NOC4L: variants seen among roughly 807,000 people sequenced by gnomAD.
NOC4L encodes the protein nucleolar complex protein 4 homolog.
Under a neutral mutation model 62.8 loss-of-function variants are expected in NOC4L, and 40 were observed. The observed-to-expected ratio is 0.64, with a 90% CI of 0.49 to 0.83. The LOEUF is 0.83. Among genes scored for constraint, NOC4L ranks in the 40% least tolerant of loss-of-function variants. The pLI, the probability that NOC4L is intolerant of heterozygous loss-of-function variation, is 0.00. For missense variants in NOC4L, 927 were observed against 701.9 expected (o/e 1.32, Z -3.62); for synonymous variants, 433 against 299.8 (o/e 1.44, Z -4.59).
intron 7 of NOC4L, 108 bp downstream of exon 7, chr12:132,148,214 A>G (rs1010783555): frequency 4.2e-6 from 5 of 1,191,734 alleles, no homozygotes; most frequent in African/African-American, 3.0e-5. Context: ...GGAAACTCCC[A>G]GGGTACAGGT....
Position 132,151,247 on chromosome 12 carries a change from C to G in NOC4L, c.963-11C>G, listed in dbSNP as rs1194682278. 1.9e-6 allele frequency: 3 copies of G among 1,606,464 alleles called. No individual in the cohort carries two copies. Among genetic ancestry groups the G allele is most frequent in the Admixed American group, 1.7e-5 (1 of 59,996 alleles). Reference sequence around the variant, plus strand: ...CTGCTCCATCCGCTGCTCCTTCCCCCCGGCCCGCAGGGAGTACCCTGACTT... The same window carrying G: ...CTGCTCCATCCGCTGCTCCTTCCCCGCGGCCCGCAGGGAGTACCCTGACTT... On this transcript the variant is annotated splice_polypyrimidine_tract_variant and intron_variant, in intron 10 of 14. Coordinates refer to ENST00000330579, the MANE Select transcript of NOC4L (RefSeq NM_024078.3).
intron 9 of NOC4L, 85 bp from the exon 10 acceptor site, chr12:132,150,896 C>G: frequency 9.9e-7 from 1 of 1,008,508 alleles, no homozygotes; most frequent in South Asian, 1.5e-5. Context: ...AGAGGCCACA[C>G]TCCACAGACT....
chr12:132,147,391 G>A lies in NOC4L; in HGVS notation c.453+3G>A. 1.3e-6 allele frequency: 2 copies of A among 1,580,288 alleles called. No homozygotes were observed. The highest frequency in any genetic ancestry group is 1.7e-6 in the Non-Finnish European group (2 of 1,162,112). ...TGTTCCCCCGAGAGCTCTTCAAGGT[G>A]AGGGCCTTGCTGGGGACTCCCAGAG... On this transcript the variant is annotated splice_donor_region_variant and intron_variant, in intron 4 of 14. Transcript: ENST00000330579.
chr12:132,151,680 T>G (rs1872954973), intron 12 of NOC4L, 36 bp downstream of exon 12: 2 of 1,611,594 alleles, frequency 1.2e-6, no homozygotes, highest in Admixed American at 1.7e-5. Flanking sequence ...GGGCTGGAGC[T>G]GGGGCGGGGG....
chr12:132,148,176 C>A, intron 7 of NOC4L, 70 bp downstream of exon 7: 4 of 1,518,636 alleles, frequency 2.6e-6, no homozygotes, highest in Non-Finnish European at 3.6e-6. Context: ...TGTGAGACCC[C>A]ATGGAGGCTG....
rs746727018 is a variant in NOC4L at position 132,152,417 on chromosome 12, GAATA to G, written c.*20_*23del. On this transcript the variant is annotated 3_prime_UTR_variant, in exon 15 of 15. Transcript: ENST00000330579. ...GCTCAGCTGACCCTGGCCCACCTGT[GAATA>G]AATCTCAGCTGACCCCAGCCCACCT... The G allele has an allele frequency of 4.5e-6, 7 of 1,566,970 alleles. No individual in the cohort carries two copies. Among genetic ancestry groups the G allele is most frequent in the South Asian group, 1.2e-5 (1 of 86,268 alleles).
chr12:132,148,388 C>T (rs537335248), intron 7 of NOC4L, among the ~76,000 whole-genome samples: 1 of 152,200 alleles, frequency 6.6e-6, no homozygotes, highest in Admixed American at 6.5e-5. Flanking sequence ...CCCCTCTTGG[C>T]CATGGTCTTG....
intron 10 of NOC4L, 47 bp downstream of exon 10, chr12:132,151,088 C>T (rs1211743484): frequency 1.3e-6 from 2 of 1,549,410 alleles, no homozygotes; most frequent in East Asian, 2.2e-5. Flanking sequence ...CTGCCCAGCC[C>T]TGCTCCTCTG....
At chr12:132,148,739 C>A (rs1326201940) in intron 8 of NOC4L, 45 bp from the exon 9 acceptor site, 5 of 444,958 alleles carry the variant, frequency 1.1e-5, no homozygotes, top group Non-Finnish European at 7.8e-6. Context: ...ACCCGCCGGC[C>A]CCCGCCCACC....
At chr12:132,151,437 G>A (rs770699959) in intron 11 of NOC4L, 47 bp from the exon 12 acceptor site, 1 of 1,600,848 alleles carries the variant, frequency 6.2e-7, no homozygotes, top group Non-Finnish European at 8.5e-7. Flanking sequence ...GGAGGGTGGT[G>A]GGGGCTAGCA....
Position 132,148,460 on chromosome 12 carries a change from G to C in NOC4L, c.739-149G>C, listed in dbSNP as rs150154633. The C allele has an allele frequency of 5.6e-3, 4,930 of 874,112 alleles. 23 individuals are homozygous for C. Among genetic ancestry groups the C allele is most frequent in the Non-Finnish European group, 7.8e-3 (4,358 of 560,948 alleles). 54.1% of individuals were successfully genotyped at this position (874,112 alleles called of 1,614,324 possible). On this transcript the variant is annotated intron_variant, in intron 7 of 14. Coordinates refer to ENST00000330579, the MANE Select transcript of NOC4L (RefSeq NM_024078.3). Reference sequence around the variant, plus strand: ...CTCGAGGGCAAGGCGTACCTGACTTGAATGGGGACAGGAAGAAGGAAGGCA... The same window carrying C: ...CTCGAGGGCAAGGCGTACCTGACTTCAATGGGGACAGGAAGAAGGAAGGCA...
rs376019055 is a variant in NOC4L, at chr12:132,152,263, C to A, written c.1432-19C>A. 1.9e-6 allele frequency: 3 copies of A among 1,582,818 alleles called. No individual in the cohort carries two copies. The highest frequency in any genetic ancestry group is 2.6e-6 in the Non-Finnish European group (3 of 1,164,880). On this transcript the variant is annotated intron_variant, in intron 14 of 14. Transcript: ENST00000330579. ...GCGCTGAGCCAAGCCTGAGAGCCGC[C>A]GTGCTTTGTGCTTTGCAGATCTTTG...
At chr12:132,148,585 A>G (rs1897814463) in intron 7 of NOC4L, 24 bp from the exon 8 acceptor site, 1 of 1,526,326 alleles carries the variant, frequency 6.6e-7, no homozygotes, top group African/African-American at 1.4e-5. Flanking sequence ...GAGGGCGGCG[A>G]GTGCAGTCTG....
chr12:132,146,694 C>T (rs754982642), intron 3 of NOC4L, among the ~76,000 whole-genome samples: 13 of 152,218 alleles, frequency 8.5e-5, no homozygotes, highest in African/African-American at 2.9e-4. Context: ...CCAGTTTCCA[C>T]CTTCTCAGAA....
rs921908961 is a variant in NOC4L at position 132,145,619 on chromosome 12, G to A, written c.299G>A (p.Cys100Tyr). ...VWMRHRYHSC[C>Y]NRLGELLGHP... ...ATGAGACACCGCTATCACAGCTGCT[G>A]CAATCGCTTGGGAGAGCTCCTGGGC... The change falls in exon 3 of 15, where the codon TGC (cysteine) becomes TAC (tyrosine). Residue 100 changes from cysteine (C) to tyrosine (Y), a missense_variant. Cys to Tyr is a radical substitution (Grantham distance 194). Transcript: ENST00000330579. 1.2e-6 allele frequency: 2 copies of A among 1,613,440 alleles called. No individual in the cohort carries two copies. The highest frequency in any genetic ancestry group is 2.7e-5 in the African/African-American group (2 of 74,932).
chr12:132,151,734 C>G lies in NOC4L; in HGVS notation c.1235-4C>G, dbSNP rs1872959663. 3 of 1,612,436 alleles carry G rather than the reference C, an allele frequency of 1.9e-6. No homozygotes were observed. The highest frequency in any genetic ancestry group is 2.2e-5 in the South Asian group (2 of 91,076). On this transcript the variant is annotated splice_region_variant and splice_polypyrimidine_tract_variant and intron_variant, in intron 12 of 14. Coordinates refer to ENST00000330579, the MANE Select transcript of NOC4L (RefSeq NM_024078.3). ...GCAGACAAGGGCCCACGTCTCATTCCTAGAGTTGGACGCCGACCCCTACGA... is the reference window on the plus strand; with the variant it reads ...GCAGACAAGGGCCCACGTCTCATTCGTAGAGTTGGACGCCGACCCCTACGA...
chr12:132,144,546 G>T lies in NOC4L; in HGVS notation c.58G>T (p.Ala20Ser), dbSNP rs1322278986. 1 of 1,518,368 alleles carries T rather than the reference G, an allele frequency of 6.6e-7. No homozygotes were observed. Among genetic ancestry groups the T allele is most frequent in the South Asian group, 1.2e-5 (1 of 81,942 alleles). The allele number at this position is 1,518,368 out of a possible 1,614,324, so 94.1% of individuals were successfully genotyped here. ...VRRALGRRLE[A>S]VLASRSEANA... Reference sequence around the variant, plus strand: ...CCGGGCTCTGGGCCGCCGGCTGGAGGCGGTGCTGGCGAGCCGCAGTGAGGC... The same window carrying T: ...CCGGGCTCTGGGCCGCCGGCTGGAGTCGGTGCTGGCGAGCCGCAGTGAGGC... Residue 20 changes from alanine to serine, a missense_variant, in exon 1 of 15, where the codon GCG (alanine) becomes TCG (serine). Ala to Ser is a moderately conservative substitution (Grantham distance 99). Transcript: ENST00000330579.
chr12:132,145,389 A>G (rs893614816), intron 2 of NOC4L, among the ~76,000 whole-genome samples, 170 bp from the exon 3 acceptor site: 3 of 152,160 alleles, frequency 2.0e-5, no homozygotes, highest in African/African-American at 4.8e-5. Flanking sequence ...TGCAGGGCTC[A>G]GGGAATGTGC....
At position 132,151,148 on chromosome 12, in the gene NOC4L, G is replaced by A. The variant is rs1466650769; in HGVS notation, c.962+107G>A. On this transcript the variant is annotated intron_variant, in intron 10 of 14. Transcript: ENST00000330579. ...GGTCCCCGCTTTCCTCACAGGCCAT[G>A]GTGTTGGAGTCCCTGGGCGGGAGGA... is the stretch of plus-strand genomic sequence containing the variant. The A allele has an allele frequency of 5.7e-6, 8 of 1,411,392 alleles. No homozygotes were observed. In the African/African-American group the frequency reaches 8.4e-5, roughly 15 times the overall value. 87.4% of individuals were successfully genotyped at this position (1,411,392 alleles called of 1,614,324 possible).
Sources: gnomAD v4.1 joint callset for allele counts (sites outside exome capture counted in the v4.1 genomes callset) on GRCh38, gnomAD v4.1.1 for gene constraint, MANE v1.5 for transcripts, NCBI Gene and HGNC (gene_info 2026-07-23, HGNC 2026-07-21) for gene names.